MED12L: variants seen among roughly 807,000 people sequenced by gnomAD.
MED12L encodes mediator complex subunit 12L, also known as mediator of RNA polymerase II transcription subunit 12-like protein.
Under a neutral mutation model 281.3 loss-of-function variants are expected in MED12L, and 60 were observed. The ratio of observed to expected loss-of-function variants is 0.21; its 90% CI spans 0.17 to 0.26. The LOEUF (loss-of-function observed/expected upper bound fraction) is 0.26. MED12L is among the 10% of genes least tolerant of loss of function. The pLI, the probability that MED12L is intolerant of heterozygous loss-of-function variation, is 1.00. For synonymous variants in MED12L, 974 were observed against 987.2 expected, an observed-to-expected ratio of 0.99 and a Z score of 0.25; for missense variants, 2,146 against 2,680.9, an observed-to-expected ratio of 0.80 and a Z score of 4.41.
At position 151,165,452 on chromosome 3, in the gene MED12L, G is replaced by C; in HGVS notation, c.1290G>C (p.Gln430His). 1.2e-6 allele frequency: 2 copies of C among 1,614,034 alleles called. No individual in the cohort carries two copies. ...VRARIYEVEQ[Q>H]IKQRGRAVEV... ...CAAGGATTTATGAAGTAGAACAACA[G>C]ATAAAACAAAGAGGCCGTGCAGTGG... The change falls in exon 10 of 45, where the codon CAG (glutamine) becomes CAC (histidine). Residue 430 changes from glutamine (Q) to histidine (H), a missense_variant. This residue lies in a region of MED12L where 722 missense variants were observed against 861.2 expected (regional missense o/e 0.84). Transcript: ENST00000687756.
chr3:151,404,278 TTATAA>T (rs1165016998), intron 39 of MED12L, among the ~76,000 whole-genome samples: 5 of 152,312 alleles, frequency 3.3e-5, no homozygotes, highest in Middle Eastern at 3.4e-3. Context: ...CAATCAGTTC[TTATAA>T]TATATGGACA....
In MED12L at chr3:151,164,046, G is replaced by A; in HGVS notation, c.1257+4G>A. On this transcript the variant is annotated splice_donor_region_variant and intron_variant, in intron 9 of 44. Transcript: ENST00000687756. ...GAACACGGCTTTCAATCAGCAGGTAGACTTTATGTTTCAGTGATTTGATGG... is the reference window on the plus strand; with the variant it reads ...GAACACGGCTTTCAATCAGCAGGTAAACTTTATGTTTCAGTGATTTGATGG... 3.1e-6 allele frequency: 5 copies of A among 1,612,458 alleles called. No individual in the cohort carries two copies. The highest frequency in any genetic ancestry group is 3.4e-6 in the Non-Finnish European group (4 of 1,179,080).
intron 16 of MED12L, among the ~76,000 whole-genome samples, chr3:151,293,822 G>A (rs966416879): frequency 6.6e-6 from 1 of 152,114 alleles, no homozygotes; most frequent in African/African-American, 2.4e-5. Context: ...CAACTTCAAG[G>A]ATAGATATAA....
At chr3:151,388,356 G>A (rs951616588) in intron 37 of MED12L, among the ~76,000 whole-genome samples, 184 bp downstream of exon 37, 2 of 152,102 alleles carry the variant, frequency 1.3e-5, no homozygotes, top group Non-Finnish European at 2.9e-5. Flanking sequence ...AAAGATTAAA[G>A]CTTTTGATTT....
intron 2 of MED12L, among the ~76,000 whole-genome samples, chr3:151,109,149 C>T (rs964903583): frequency 6.6e-6 from 1 of 151,976 alleles, no homozygotes; most frequent in African/African-American, 2.4e-5. Context: ...CCTCTGCCTC[C>T]CGGGTTCAAG....
chr3:151,230,634 T>C (rs1288451323), intron 16 of MED12L, among the ~76,000 whole-genome samples: 4 of 152,106 alleles, frequency 2.6e-5, no homozygotes, highest in Non-Finnish European at 4.4e-5. Context: ...CTATGTGTTA[T>C]TGCTTTTCTC....
chr3:151,328,533 A>G (rs779389899), intron 16 of MED12L: 14 of 1,613,976 alleles, frequency 8.7e-6, no homozygotes, highest in Non-Finnish European at 9.3e-6. Flanking sequence ...TTTGGCAGGG[A>G]GATGAAGAAC....
intron 2 of MED12L, among the ~76,000 whole-genome samples, chr3:151,100,302 A>C (rs1008500274): frequency 6.6e-6 from 1 of 152,232 alleles, no homozygotes; most frequent in Admixed American, 6.5e-5. Flanking sequence ...GCTGCAGATC[A>C]GCTGTGCAAC....
chr3:151,389,741 A>G (rs980261513), intron 37 of MED12L, among the ~76,000 whole-genome samples: 7 of 152,184 alleles, frequency 4.6e-5, no homozygotes, highest in Admixed American at 1.3e-4. Flanking sequence ...TTCAGAAGAG[A>G]TCCTTTTCCA....
At chr3:151,134,280 C>G (rs1047197939) in intron 5 of MED12L, among the ~76,000 whole-genome samples, 1 of 149,788 alleles carries the variant, frequency 6.7e-6, no homozygotes. Flanking sequence ...TGCAGTGATA[C>G]AGTGTTCCCC....
intron 16 of MED12L, among the ~76,000 whole-genome samples, chr3:151,196,646 G>A (rs1724695634): frequency 6.6e-6 from 1 of 152,208 alleles, no homozygotes; most frequent in African/African-American, 2.4e-5. Flanking sequence ...GCATTCTACA[G>A]CCTGCAACTG....
chr3:151,368,248 A>C lies in MED12L; in HGVS notation c.3547A>C (p.Thr1183Pro). 1 of 1,613,364 alleles carries C rather than the reference A, an allele frequency of 6.2e-7. No individual in the cohort carries two copies. The highest frequency in any genetic ancestry group is 1.1e-5 in the South Asian group (1 of 91,052). ...APQACFLPQA[T>P]GKPFPGIRSS... ...CCAGGCCTGCTTCTTACCTCAAGCA[A>C]CGGGTGAGCTGACTGCAGAAAAATC... The change falls in exon 25 of 45, where the codon ACG (threonine) becomes CCG (proline). Residue 1183 changes from threonine to proline, a missense_variant. Coordinates refer to ENST00000687756, the MANE Select transcript of MED12L (RefSeq NM_001393769.1).
intron 16 of MED12L, among the ~76,000 whole-genome samples, chr3:151,224,947 A>C (rs1577026954): frequency 6.6e-6 from 1 of 152,176 alleles, no homozygotes; most frequent in East Asian, 1.9e-4. Flanking sequence ...CATGCTTATT[A>C]CATTTTATGT....
intron 16 of MED12L, among the ~76,000 whole-genome samples, chr3:151,284,845 T>C (rs1743259757): frequency 6.6e-6 from 1 of 152,130 alleles, no homozygotes. Flanking sequence ...CGACCTCAGG[T>C]GATCCACCCA....
intron 26 of MED12L, among the ~76,000 whole-genome samples, chr3:151,371,338 G>A (rs756819511): frequency 6.6e-6 from 1 of 152,110 alleles, no homozygotes; most frequent in African/African-American, 2.4e-5. Context: ...ATCACCTAAC[G>A]GTAGTGAAAG....
intron 26 of MED12L, 72 bp from the exon 27 acceptor site, chr3:151,372,495 C>G: frequency 9.2e-7 from 1 of 1,088,884 alleles, no homozygotes; most frequent in South Asian, 1.3e-5. Context: ...GAATGCTATC[C>G]TCATTTGCTC....
chr3:151,374,769 G>A (rs1027199032), intron 27 of MED12L, among the ~76,000 whole-genome samples: 1 of 151,942 alleles, frequency 6.6e-6, no homozygotes, highest in Non-Finnish European at 1.5e-5. Context: ...TTCCTTTCTT[G>A]TCCCCAGCTC....
At chr3:151,198,790 A>G (rs778052185) in intron 16 of MED12L, 4 of 1,613,690 alleles carry the variant, frequency 2.5e-6, no homozygotes, top group East Asian at 2.2e-5. Context: ...TTACAAGGCA[A>G]TTGGATATTA....
At chr3:151,210,502 T>C (rs1726995470) in intron 16 of MED12L, among the ~76,000 whole-genome samples, 1 of 152,242 alleles carries the variant, frequency 6.6e-6, no homozygotes, top group South Asian at 2.1e-4. Flanking sequence ...CTATGATCTG[T>C]TTCTTTATTA....
Sources: gnomAD v4.1 joint callset for allele counts (sites outside exome capture counted in the v4.1 genomes callset) on GRCh38, gnomAD v4.1.1 for gene constraint, gnomAD v4.1.1 regional missense constraint, MANE v1.5 for transcripts, NCBI Gene and HGNC (gene_info 2026-07-23, HGNC 2026-07-21) for gene names.